RIN2: variants seen among roughly 807,000 people sequenced by gnomAD.
The protein encoded by RIN2 is Ras and Rab interactor 2, also known as RAB5 interacting protein 2.
Under a neutral mutation model 78.0 loss-of-function variants are expected in RIN2, and 36 were observed. The observed-to-expected ratio is 0.46, with a 90% CI of 0.35 to 0.61. The LOEUF (loss-of-function observed/expected upper bound fraction) is 0.61, where lower values mean the gene tolerates loss of function less well. Among genes scored for constraint, RIN2 ranks in the 20% least tolerant of loss-of-function variants. The pLI is 0.00. For synonymous variants in RIN2, 466 were observed against 466.8 expected (o/e 1.00, Z 0.02); for missense variants, 1,087 against 1,159.7 (o/e 0.94, Z 0.91).
At chr20:19,872,948 T>C (rs963361831) in intron 2 of RIN2, among the ~76,000 whole-genome samples, 3 of 152,098 alleles carry the variant, frequency 2.0e-5, no homozygotes, top group Non-Finnish European at 4.4e-5. Context: ...TACATATATT[T>C]AATAAATAAA....
intron 2 of RIN2, among the ~76,000 whole-genome samples, chr20:19,883,763 A>G (rs1270023710): frequency 1.3e-5 from 2 of 151,972 alleles, no homozygotes; most frequent in African/African-American, 4.8e-5. Context: ...GAGAGTTTCT[A>G]TGAGTCTGTG....
intron 2 of RIN2, among the ~76,000 whole-genome samples, chr20:19,876,734 GTC>G (rs901986353): frequency 6.6e-6 from 1 of 152,002 alleles, no homozygotes; most frequent in African/African-American, 2.4e-5. Flanking sequence ...GTGAAATCCT[GTC>G]TCTACTAAAA....
intron 7 of RIN2, 37 bp downstream of exon 7, chr20:19,965,061 GT>G: frequency 6.5e-7 from 1 of 1,531,584 alleles, no homozygotes. Flanking sequence ...TCAAGGCCCT[GT>G]TTGGTGTGTG....
chr20:19,928,110 C>G (rs966570040), intron 3 of RIN2, among the ~76,000 whole-genome samples: 1 of 152,200 alleles, frequency 6.6e-6, no homozygotes, highest in African/African-American at 2.4e-5. Context: ...ACCATGTTGG[C>G]CAGGCTGGTT....
chr20:19,982,562 T>A (rs1002363825), intron 9 of RIN2, among the ~76,000 whole-genome samples: 1 of 152,170 alleles, frequency 6.6e-6, no homozygotes, highest in African/African-American at 2.4e-5. Flanking sequence ...TCAGGCAGGT[T>A]TGAAGCCCTG....
intron 3 of RIN2, among the ~76,000 whole-genome samples, chr20:19,921,743 G>A (rs923913079): frequency 2.0e-5 from 3 of 152,206 alleles, no homozygotes; most frequent in Non-Finnish European, 2.9e-5. Flanking sequence ...GTGCTCCCAA[G>A]AGAAACGCAT....
intron 1 of RIN2, among the ~76,000 whole-genome samples, chr20:19,799,124 C>G (rs532832278): frequency 6.6e-6 from 1 of 152,232 alleles, no homozygotes; most frequent in African/African-American, 2.4e-5. Context: ...TGGTCTCAAA[C>G]TCCTGAGCCC....
intron 2 of RIN2, among the ~76,000 whole-genome samples, chr20:19,869,037 A>G (rs113352212): frequency 0.27 from 38,366 of 143,078 alleles, 5,079 homozygotes; most frequent in East Asian, 0.33. Context: ...AGCCGAGATC[A>G]CGCCACTGCA....
At chr20:19,861,240 C>T (rs1349413913) in intron 2 of RIN2, among the ~76,000 whole-genome samples, 1 of 152,180 alleles carries the variant, frequency 6.6e-6, no homozygotes, top group Non-Finnish European at 1.5e-5. Context: ...TCTCAAAAGT[C>T]CCACCTCCTT....
At chr20:19,875,509 T>C (rs2037829022) in intron 2 of RIN2, among the ~76,000 whole-genome samples, 1 of 152,174 alleles carries the variant, frequency 6.6e-6, no homozygotes, top group Admixed American at 6.5e-5. Context: ...GATGTGGTAT[T>C]GCACACCTGT....
intron 3 of RIN2, among the ~76,000 whole-genome samples, chr20:19,906,422 G>A (rs1365428588): frequency 3.9e-5 from 6 of 152,216 alleles, no homozygotes; most frequent in Admixed American, 1.3e-4. Flanking sequence ...GCACTCCAGA[G>A]CCTGGGTGAC....
rs79034920 is a variant in RIN2 at position 19,775,088 on chromosome 20, C to T, written c.-163+16761C>T. Among the ~76,000 whole-genome samples, 636 of 152,240 alleles carry T rather than the reference C, an allele frequency of 4.2e-3. 5 individuals are homozygous for T. Among genetic ancestry groups the T allele is most frequent in the African/African-American group, 0.014 (594 of 41,546 alleles). On this transcript the variant is annotated intron_variant, in intron 1 of 12. Transcript: ENST00000255006. ...TTCGTATGTGTTAAGTTTGATGAGC[C>T]TGTGAAAACCCAAGGAGGTGTTAAA...
Position 19,974,717 on chromosome 20 carries a change from C to G in RIN2, c.692C>G (p.Ser231Cys). 6.2e-7 allele frequency: 1 copy of G among 1,614,046 alleles called. No homozygotes were observed. Among genetic ancestry groups the G allele is most frequent in the Non-Finnish European group, 8.5e-7 (1 of 1,179,894 alleles). ...PNLPPPHRPLSSDGVCPASLR... is the reference protein window; with the variant it reads ...PNLPPPHRPLCSDGVCPASLR... Reference sequence around the variant, plus strand: ...CTTCCACCTCCCCATAGGCCTCTTTCCTCCGACGGTGTCTGTCCTGCCTCC... The same window carrying G: ...CTTCCACCTCCCCATAGGCCTCTTTGCTCCGACGGTGTCTGTCCTGCCTCC... The change falls in exon 9 of 13, where the codon TCC (serine) becomes TGC (cysteine). Residue 231 changes from serine (S) to cysteine (C), a missense_variant. Coordinates refer to ENST00000255006, the MANE Select transcript of RIN2 (RefSeq NM_018993.4).
rs1247443229 is a variant in RIN2, at chr20:19,975,835, G to A, written c.1762+48G>A. ...TATAAAATCTATTGTAACTCTGTCC[G>A]GGCAGTGCAACCTATGTTTGTTATT... On this transcript the variant is annotated intron_variant, in intron 9 of 12. Coordinates refer to ENST00000255006, the MANE Select transcript of RIN2 (RefSeq NM_018993.4). The surrounding 1 kb of genome is among the most constrained non-coding windows in gnomAD (Gnocchi z 4.9). 2 of 1,497,608 alleles carry A rather than the reference G, an allele frequency of 1.3e-6. No individual in the cohort carries two copies. Among genetic ancestry groups the A allele is most frequent in the Non-Finnish European group, 1.8e-6 (2 of 1,097,750 alleles). 92.8% of individuals were successfully genotyped at this position (1,497,608 alleles called of 1,614,324 possible). A position where few individuals can be genotyped will look rare whatever the true frequency, so the allele number is the denominator to read the frequency against.
rs528581610 is a variant in RIN2 at position 19,760,826 on chromosome 20, C to T, written c.-163+2499C>T. ...ATAGTTTCAGCAAGAAAGATTTCCC[C>T]GACCCTGTCCTCCTTTCCCCAGTAA... is the stretch of plus-strand genomic sequence containing the variant. On this transcript the variant is annotated intron_variant, in intron 1 of 12. Coordinates refer to ENST00000255006, the MANE Select transcript of RIN2 (RefSeq NM_018993.4). Among the ~76,000 whole-genome samples, 11 of 152,268 alleles carry T rather than the reference C, an allele frequency of 7.2e-5. No individual in the cohort carries two copies. In the South Asian group the frequency reaches 8.3e-4, roughly 11 times the overall value.
chr20:19,883,253 A>G (rs1381468075), intron 2 of RIN2, among the ~76,000 whole-genome samples: 2 of 150,972 alleles, frequency 1.3e-5, no homozygotes, highest in Non-Finnish European at 3.0e-5. Flanking sequence ...ATGCCTCAGG[A>G]GGCTAATTCT....
At chr20:19,954,037 A>G (rs147951296) in intron 4 of RIN2, among the ~76,000 whole-genome samples, 145 of 152,328 alleles carry the variant, frequency 9.5e-4, no homozygotes, top group African/African-American at 3.2e-3. Context: ...AGGCCTGCAG[A>G]AAGTCACGAA....
intron 3 of RIN2, among the ~76,000 whole-genome samples, chr20:19,924,536 CTTCATACCCCCTCTT>C (rs2040130609): frequency 3.9e-4 from 1 of 2,588 alleles, no homozygotes; most frequent in Admixed American, 3.6e-3. Flanking sequence ...TTCCCGACCT[CTTCATACCCCCTCTT>C]CATACCCCAC....
intron 2 of RIN2, among the ~76,000 whole-genome samples, chr20:19,878,170 A>G (rs2037914702): frequency 6.6e-6 from 1 of 152,132 alleles, no homozygotes; most frequent in Admixed American, 6.5e-5. Context: ...TTTTTGGAGC[A>G]AACAAGTTGT....
Sources: allele counts gnomAD v4.1 joint callset (sites outside exome capture counted in the v4.1 genomes callset), GRCh38; gene constraint gnomAD v4.1.1; non-coding constraint Gnocchi (gnomAD v3.1); transcripts MANE v1.5; gene names NCBI Gene and HGNC (gene_info 2026-07-23, HGNC 2026-07-21).